CORO2B: variants seen among roughly 807,000 people sequenced by gnomAD.
CORO2B encodes coronin 2B.
CORO2B carries 26 observed loss-of-function variants against 58.8 expected under a neutral mutation model. The observed-to-expected ratio is 0.44, with a 90% CI of 0.32 to 0.61. CORO2B has a LOEUF of 0.61. Ranked by LOEUF, CORO2B falls within the 20% of genes least tolerant of loss-of-function variation. The pLI is 0.04. For synonymous variants in CORO2B, 242 were observed against 253.8 expected (o/e 0.95, Z 0.44); for missense variants, 460 against 645.1 (o/e 0.71, Z 3.11).
rs546453203 is a variant in CORO2B at position 68,726,240 on chromosome 15, G to A, written c.*266G>A. On this transcript the variant is annotated 3_prime_UTR_variant, in exon 12 of 12. Transcript: ENST00000261861. ...CCAGGCTTCCCCTCAGCTGGGTGAA[G>A]ACTACAGACTCCCTGGGGTTGGCAG... 9.1e-6 allele frequency: 4 copies of A among 438,712 alleles called. No homozygotes were observed. The highest frequency in any genetic ancestry group is 7.0e-5 in the South Asian group (3 of 42,778). The allele number at this position is 438,712 out of a possible 1,614,324, so 27.2% of individuals were successfully genotyped here. A position where few individuals can be genotyped will look rare whatever the true frequency, so the allele number is the denominator to read the frequency against.
At chr15:68,556,421 G>T in the CORO2B span, among the ~76,000 whole-genome samples, 6 of 152,170 alleles carry the variant, frequency 3.9e-5, no homozygotes, top group Non-Finnish European at 8.8e-5. Context: ...CATTCCCTTC[G>T]TTGACATAAA....
chr15:68,695,637 G>A (rs903334354), intron 3 of CORO2B, among the ~76,000 whole-genome samples: 20 of 152,300 alleles, frequency 1.3e-4, no homozygotes, highest in African/African-American at 3.8e-4. Context: ...GGAAAAGAGC[G>A]CCTGTTCTTT....
intron 1 of CORO2B, among the ~76,000 whole-genome samples, chr15:68,642,184 C>A (rs533321605): frequency 2.5e-4 from 38 of 152,150 alleles, no homozygotes; most frequent in Non-Finnish European, 4.7e-4. Flanking sequence ...TTACAGGTGC[C>A]TGCCACCATG....
chr15:68,578,654 C>T (rs1209790902), upstream of CORO2B, among the ~76,000 whole-genome samples: 3 of 152,006 alleles, frequency 2.0e-5, no homozygotes, highest in East Asian at 5.8e-4. The surrounding 1 kb of genome is among the most constrained non-coding windows in gnomAD (Gnocchi z 4.2). Context: ...GCGCCTCGGC[C>T]GTCCAGCCTG....
intron 2 of CORO2B, among the ~76,000 whole-genome samples, chr15:68,661,048 GC>G (rs1901998174): frequency 6.6e-6 from 1 of 151,206 alleles, no homozygotes; most frequent in Non-Finnish European, 1.5e-5. Context: ...AGTGATGTCA[GC>G]TCACTGCAAC....
At chr15:68,623,656 T>C (rs946659266) in intron 1 of CORO2B, among the ~76,000 whole-genome samples, 9 of 152,294 alleles carry the variant, frequency 5.9e-5, no homozygotes, top group South Asian at 2.1e-4. Flanking sequence ...AGAAATCCTG[T>C]TGGGCGTCTC....
chr15:68,725,980 C>A lies in CORO2B; in HGVS notation c.*6C>A, dbSNP rs778975390. The A allele has an allele frequency of 2.5e-6, 4 of 1,612,850 alleles. No homozygotes were observed. In the East Asian group the frequency reaches 8.9e-5, roughly 36 times the overall value. On this transcript the variant is annotated 3_prime_UTR_variant, in exon 12 of 12. Transcript: ENST00000261861. ...ACAGCCCCAAGAACTGTTAGCTCCCCAGCTGGGCTGTTTTCTAAGCCGATC... is the reference window on the plus strand; with the variant it reads ...ACAGCCCCAAGAACTGTTAGCTCCCAAGCTGGGCTGTTTTCTAAGCCGATC...
chr15:68,591,075 G>A (rs1899693655), intron 1 of CORO2B, among the ~76,000 whole-genome samples: 1 of 152,210 alleles, frequency 6.6e-6, no homozygotes, highest in Admixed American at 6.5e-5. Context: ...CTGGTCTGTG[G>A]GGGGACACAG....
At chr15:68,647,028 G>A (rs1452810946) in intron 2 of CORO2B, among the ~76,000 whole-genome samples, 1 of 152,152 alleles carries the variant, frequency 6.6e-6, no homozygotes, top group Non-Finnish European at 1.5e-5. Flanking sequence ...CCGGCACCCT[G>A]CCATGCTCCA....
intron 1 of CORO2B, among the ~76,000 whole-genome samples, chr15:68,635,982 G>A (rs991835998): frequency 6.6e-6 from 1 of 152,196 alleles, no homozygotes; most frequent in Non-Finnish European, 1.5e-5. Flanking sequence ...GATAATTGAG[G>A]AGCAGACAAG....
Position 68,659,900 on chromosome 15 carries a change from G to A in CORO2B, c.216+14540G>A, listed in dbSNP as rs74938652. Among the ~76,000 whole-genome samples, 635 of 152,228 alleles carry A rather than the reference G, an allele frequency of 4.2e-3. 2 individuals carry two copies. Among genetic ancestry groups the A allele is most frequent in the African/African-American group, 0.014 (596 of 41,520 alleles). ...AGTGAGCCAAGGCCTGGGTGACAGAGCGAGACTGTGTTTCAAAAAACAAAA... is the reference window on the plus strand; with the variant it reads ...AGTGAGCCAAGGCCTGGGTGACAGAACGAGACTGTGTTTCAAAAAACAAAA... On this transcript the variant is annotated intron_variant, in intron 2 of 11. Coordinates refer to ENST00000261861, the MANE Select transcript of CORO2B (RefSeq NM_006091.5).
At chr15:68,658,331 C>G (rs1488389937) in intron 2 of CORO2B, among the ~76,000 whole-genome samples, 2 of 152,186 alleles carry the variant, frequency 1.3e-5, no homozygotes, top group Non-Finnish European at 2.9e-5. Flanking sequence ...ATGGTGCTCT[C>G]CAAAGCGACA....
At chr15:68,525,177 A>G in the CORO2B span, among the ~76,000 whole-genome samples, 133 of 152,336 alleles carry the variant, frequency 8.7e-4, 1 homozygote, top group South Asian at 0.025. Context: ...CTGACATCAT[A>G]TAACAGTTAA....
At chr15:68,565,313 A>AT in the CORO2B span, among the ~76,000 whole-genome samples, 5 of 110,430 alleles carry the variant, frequency 4.5e-5, no homozygotes, top group East Asian at 5.4e-4. Flanking sequence ...TTTTCTTTTT[A>AT]TTTAAAAAAA....
chr15:68,671,194 G>T (rs1902381968), intron 2 of CORO2B, among the ~76,000 whole-genome samples: 3 of 152,188 alleles, frequency 2.0e-5, no homozygotes, highest in Admixed American at 1.3e-4. Flanking sequence ...GGCATAAAAT[G>T]GAGCTGATAC....
At chr15:68,719,343 C>A (rs902459854) in intron 10 of CORO2B, 70 bp from the exon 11 acceptor site, 3 of 1,605,248 alleles carry the variant, frequency 1.9e-6, no homozygotes, top group African/African-American at 1.3e-5. Context: ...TCCCTCCCAC[C>A]CAGCCTGCTG....
At chr15:68,567,686 C>T in the CORO2B span, among the ~76,000 whole-genome samples, 4 of 152,152 alleles carry the variant, frequency 2.6e-5, no homozygotes, top group African/African-American at 7.2e-5. Flanking sequence ...GGCGTATTTT[C>T]GGAAGGCATG....
chr15:68,709,812 G>T (rs948810869), intron 3 of CORO2B, among the ~76,000 whole-genome samples: 1 of 152,022 alleles, frequency 6.6e-6, no homozygotes, highest in African/African-American at 2.4e-5. Context: ...AGAGCACTTT[G>T]CAGTTTATAA....
chr15:68,535,591 G>A, the CORO2B span, among the ~76,000 whole-genome samples: 471 of 152,174 alleles, frequency 3.1e-3, 1 homozygote, highest in African/African-American at 0.01. Flanking sequence ...CCTGTCTCTC[G>A]TAGGACATTT....
Sources: allele counts gnomAD v4.1 joint callset (sites outside exome capture counted in the v4.1 genomes callset), GRCh38; gene constraint gnomAD v4.1.1; non-coding constraint Gnocchi (gnomAD v3.1); transcripts MANE v1.5; gene names NCBI Gene and HGNC (gene_info 2026-07-23, HGNC 2026-07-21).